Variants in SPIRE1 observed in about 807,000 individuals in gnomAD.
The protein encoded by SPIRE1 is protein spire homolog 1.
Under a neutral mutation model 94.1 loss-of-function variants are expected in SPIRE1, and 40 were observed. That is an observed-to-expected ratio of 0.43 (90% CI 0.33 to 0.55). SPIRE1 has a LOEUF of 0.55. SPIRE1 is among the 20% of genes least tolerant of loss of function. The pLI is 0.06. For synonymous variants in SPIRE1, 376 were observed against 371.7 expected, an observed-to-expected ratio of 1.01 and a Z score of -0.13; for missense variants, 838 against 975.2, an observed-to-expected ratio of 0.86 and a Z score of 1.87.
chr18:12,503,957 T>C (rs2143960669), intron 6 of SPIRE1, among the ~76,000 whole-genome samples: 2 of 147,162 alleles, frequency 1.4e-5, no homozygotes, highest in Middle Eastern at 6.9e-3. Flanking sequence ...ACAGTATTTC[T>C]GAGGGCAACT....
intron 10 of SPIRE1, among the ~76,000 whole-genome samples, chr18:12,469,905 TAAG>T (rs927735202): frequency 2.0e-5 from 3 of 151,500 alleles, no homozygotes; most frequent in South Asian, 2.1e-4. Flanking sequence ...AAAAATAACA[TAAG>T]AAAACCACAT....
intron 2 of SPIRE1, among the ~76,000 whole-genome samples, chr18:12,585,544 G>C (rs1035926605): frequency 2.6e-5 from 4 of 152,078 alleles, no homozygotes; most frequent in African/African-American, 9.7e-5. Context: ...CTATATAATG[G>C]GGATAATAAC....
intron 4 of SPIRE1, among the ~76,000 whole-genome samples, chr18:12,532,814 C>A (rs560516928): frequency 2.4e-4 from 36 of 152,210 alleles, no homozygotes; most frequent in African/African-American, 8.4e-4. Flanking sequence ...TGTTGATAGG[C>A]AATTTATGTG....
At chr18:12,581,555 C>A (rs2036256155) in intron 2 of SPIRE1, among the ~76,000 whole-genome samples, 1 of 152,164 alleles carries the variant, frequency 6.6e-6, no homozygotes, top group East Asian at 1.9e-4. Context: ...CTTAACTATA[C>A]CTACTGGGTC....
At chr18:12,598,168 T>C (rs1043961995) in intron 2 of SPIRE1, among the ~76,000 whole-genome samples, 5 of 152,240 alleles carry the variant, frequency 3.3e-5, no homozygotes, top group Non-Finnish European at 5.9e-5. Context: ...TTCCTAAACA[T>C]ACACATTTTT....
rs760400458 is a variant in SPIRE1 at position 12,539,589 on chromosome 18, A to G, written c.604-3988T>C. Among the ~76,000 whole-genome samples, 266 of 125,896 alleles carry G rather than the reference A, an allele frequency of 2.1e-3. 1 individual carries two copies. The highest frequency in any genetic ancestry group is 5.7e-3 in the East Asian group (27 of 4,736). 82.6% of individuals were successfully genotyped at this position (125,896 alleles called of 152,430 possible). The stretch of plus-strand genomic sequence containing the variant: ...TAAACATACACATACACACACACGC[A>G]CACACACACACACACACACACACAC... On this transcript the variant is annotated intron_variant, in intron 3 of 16. Coordinates refer to ENST00000409402, the MANE Select transcript of SPIRE1 (RefSeq NM_001128626.2).
intron 10 of SPIRE1, among the ~76,000 whole-genome samples, chr18:12,466,300 G>A (rs1279398519): frequency 2.0e-5 from 3 of 151,744 alleles, no homozygotes; most frequent in East Asian, 1.9e-4. Context: ...TTTTTGAGAC[G>A]GAGTCTCACT....
At chr18:12,488,088 C>A (rs1247050871) in intron 8 of SPIRE1, among the ~76,000 whole-genome samples, 1 of 152,182 alleles carries the variant, frequency 6.6e-6, no homozygotes, top group Non-Finnish European at 1.5e-5. Flanking sequence ...GTTTTCCATT[C>A]CAAAAACTAA....
chr18:12,641,647 G>A (rs945824707), intron 1 of SPIRE1, among the ~76,000 whole-genome samples: 8 of 151,642 alleles, frequency 5.3e-5, no homozygotes, highest in East Asian at 3.9e-4. Flanking sequence ...GATTACAGGC[G>A]TGAGCCACCA....
intron 12 of SPIRE1, among the ~76,000 whole-genome samples, chr18:12,461,583 G>GAA: frequency 6.8e-6 from 1 of 147,968 alleles, no homozygotes; most frequent in Non-Finnish European, 1.5e-5. Context: ...ACATACATAT[G>GAA]TATATACATA....
At chr18:12,622,590 T>C (rs2037507045) in intron 2 of SPIRE1, among the ~76,000 whole-genome samples, 1 of 151,394 alleles carries the variant, frequency 6.6e-6, no homozygotes, top group Non-Finnish European at 1.5e-5. Context: ...GCCCGGCTAA[T>C]TTTTTGTATT....
chr18:12,496,146 A>C, intron 6 of SPIRE1, 44 bp from the exon 7 acceptor site: 2 of 1,363,868 alleles, frequency 1.5e-6, no homozygotes, highest in Non-Finnish European at 2.1e-6. Flanking sequence ...ACTATATAAG[A>C]CTATCATGAA....
chr18:12,634,976 C>G (rs13381625), intron 2 of SPIRE1, 86 bp downstream of exon 2: 22 of 705,562 alleles, frequency 3.1e-5, no homozygotes, highest in African/African-American at 2.6e-4. Flanking sequence ...GACCAAGAAC[C>G]TATAGTGAGA....
chr18:12,657,188 G>A (rs1214614679), intron 1 of SPIRE1, among the ~76,000 whole-genome samples: 1 of 152,208 alleles, frequency 6.6e-6, no homozygotes, highest in African/African-American at 2.4e-5. Context: ...CTGGCCCGGA[G>A]CAGGGCCCAG....
chr18:12,460,427 T>G (rs1415690423), intron 12 of SPIRE1, among the ~76,000 whole-genome samples: 1 of 152,128 alleles, frequency 6.6e-6, no homozygotes, highest in Non-Finnish European at 1.5e-5. Flanking sequence ...AAATAAAAAT[T>G]ATCAGCCGGG....
intron 2 of SPIRE1, among the ~76,000 whole-genome samples, chr18:12,612,377 T>C (rs1429668118): frequency 6.6e-6 from 1 of 152,180 alleles, no homozygotes; most frequent in Non-Finnish European, 1.5e-5. Flanking sequence ...TGCTGGCTCC[T>C]CCTGTCTCGC....
intron 2 of SPIRE1, among the ~76,000 whole-genome samples, chr18:12,617,377 G>A (rs187469578): frequency 6.6e-6 from 1 of 151,966 alleles, no homozygotes; most frequent in Admixed American, 6.6e-5. Flanking sequence ...ACCATGCCCA[G>A]CAAATCTTTT....
chr18:12,519,676 G>A (rs1036532635), intron 4 of SPIRE1, among the ~76,000 whole-genome samples: 1 of 152,112 alleles, frequency 6.6e-6, no homozygotes, highest in Non-Finnish European at 1.5e-5. Flanking sequence ...AAATGAACAA[G>A]CAATTGACAA....
intron 8 of SPIRE1, among the ~76,000 whole-genome samples, chr18:12,487,237 C>A (rs1054294138): frequency 1.3e-5 from 2 of 151,982 alleles, no homozygotes; most frequent in Non-Finnish European, 2.9e-5. Flanking sequence ...TCTTACTGAG[C>A]CTATTTTATA....
Sources: gnomAD v4.1 joint callset for allele counts (sites outside exome capture counted in the v4.1 genomes callset) on GRCh38, gnomAD v4.1.1 for gene constraint, MANE v1.5 for transcripts, NCBI Gene and HGNC (gene_info 2026-07-23, HGNC 2026-07-21) for gene names.